NAA16: variants seen among roughly 807,000 people sequenced by gnomAD.
NAA16 encodes the protein NARG1-like protein.
In NAA16, 97 loss-of-function variants were observed where a neutral mutation model predicts 110.3. The ratio of observed to expected loss-of-function variants is 0.88; its 90% CI spans 0.75 to 1.04. NAA16 has a LOEUF of 1.04. NAA16 is among the 50% of genes least tolerant of loss of function. The pLI is 0.00. For missense variants in NAA16, 1,017 were observed against 1,005.1 expected (o/e 1.01, Z -0.16); for synonymous variants, 372 against 330.6 (o/e 1.13, Z -1.36).
At chr13:41,372,150 A>C in intron 15 of NAA16, 53 bp from the exon 16 acceptor site, 1 of 1,362,222 alleles carries the variant, frequency 7.3e-7, no homozygotes, top group Non-Finnish European at 9.9e-7. Context: ...TTTAGGGGAA[A>C]TTTGACTTGT....
At chr13:41,373,266 GT>G (rs564421063) in intron 17 of NAA16, 3,341 of 641,472 alleles carry the variant, frequency 5.2e-3, no homozygotes, top group Non-Finnish European at 5.8e-3. Flanking sequence ...TGTGTTTTTT[GT>G]TTTTTTTTTT....
chr13:41,337,600 A>G (rs371545731), intron 9 of NAA16, among the ~76,000 whole-genome samples: 29 of 152,284 alleles, frequency 1.9e-4, no homozygotes, highest in East Asian at 5.8e-4. Context: ...TAAATTAGAA[A>G]GATAATTAAA....
In NAA16 at chr13:41,347,858, G is replaced by T. The variant is rs2042726739; in HGVS notation, c.1015-7286G>T. 2.6e-5 allele frequency among the ~76,000 whole-genome samples: 4 copies of T among 151,946 alleles called. No homozygotes were observed. The South Asian group carries it at 8.3e-4, about 32-fold the overall frequency. On this transcript the variant is annotated intron_variant, in intron 9 of 19. Coordinates refer to ENST00000379406, the MANE Select transcript of NAA16 (RefSeq NM_024561.5). Reference sequence around the variant, plus strand: ...TTTCATTTTCTTGACTAATTGCCCTGGGTACCTTCAGTACAATATTGACTG... The same window carrying T: ...TTTCATTTTCTTGACTAATTGCCCTTGGTACCTTCAGTACAATATTGACTG...
At position 41,360,053 on chromosome 13, in the gene NAA16, C is replaced by T. The variant is rs541129861; in HGVS notation, c.1410+1091C>T. On this transcript the variant is annotated intron_variant, in intron 12 of 19. Coordinates refer to ENST00000379406, the MANE Select transcript of NAA16 (RefSeq NM_024561.5). ...TTCAAAGTCTTCAATGCCCTTTCCACTATATCACAGGTTTGAAATTAAGAA... is the reference window on the plus strand; with the variant it reads ...TTCAAAGTCTTCAATGCCCTTTCCATTATATCACAGGTTTGAAATTAAGAA... Among the ~76,000 whole-genome samples the T allele has an allele frequency of 6.6e-5, 10 of 152,208 alleles. No individual in the cohort carries two copies. The South Asian group carries it at 2.1e-3, about 32-fold the overall frequency.
intron 13 of NAA16, among the ~76,000 whole-genome samples, chr13:41,366,421 A>G (rs1469261844): frequency 1.3e-5 from 2 of 152,184 alleles, no homozygotes; most frequent in Non-Finnish European, 2.9e-5. Context: ...ATATTGGTGT[A>G]TTGAATCACT....
At chr13:41,354,543 A>G (rs914243729) in intron 9 of NAA16, 5 of 152,260 alleles carry the variant, frequency 3.3e-5, no homozygotes, top group African/African-American at 1.2e-4. Flanking sequence ...AAAACAATGA[A>G]GAAATATTCC....
rs375807130 is a variant in NAA16, at chr13:41,372,296, A to G, written c.2041A>G (p.Ile681Val). 4 of 1,593,760 alleles carry G rather than the reference A, an allele frequency of 2.5e-6. No homozygotes were observed. Among genetic ancestry groups the G allele is most frequent in the Non-Finnish European group, 3.4e-6 (4 of 1,171,510 alleles). Reference sequence around the variant, plus strand: ...TGACACTCATCTGTTAGCATTTGAAATATATTTTAGAAAAGGTAATAAATA... The same window carrying G: ...TGACACTCATCTGTTAGCATTTGAAGTATATTTTAGAAAAGGTAATAAATA... Reference protein sequence around the residue: ...NIDTHLLAFEIYFRKGKFLLM... With the variant: ...NIDTHLLAFEVYFRKGKFLLM... The change falls in exon 16 of 20, where the codon ATA becomes GTA. Residue 681 changes from isoleucine to valine, a missense_variant. By Grantham distance (29) the Ile-to-Val change is conservative. Coordinates refer to ENST00000379406, the MANE Select transcript of NAA16 (RefSeq NM_024561.5).
intron 8 of NAA16, among the ~76,000 whole-genome samples, chr13:41,334,303 C>T (rs917904126): frequency 1.3e-5 from 2 of 152,076 alleles, no homozygotes; most frequent in Non-Finnish European, 2.9e-5. Context: ...ATATTAAGCA[C>T]TCTAAAAATA....
At chr13:41,340,647 GTTTTTTTTTTTTTTTTTTTTTTTTT>G (rs754237653) in intron 9 of NAA16, among the ~76,000 whole-genome samples, 4 of 43,538 alleles carry the variant, frequency 9.2e-5, no homozygotes, top group Non-Finnish European at 1.8e-4. Context: ...TTTTGAGTGA[GTTTTTTTTTTTTTTTTTTTTTTTTT>G]TTTTTTTTTT....
At chr13:41,364,758 A>G (rs1441564341) in intron 13 of NAA16, among the ~76,000 whole-genome samples, 4 of 152,166 alleles carry the variant, frequency 2.6e-5, no homozygotes, top group East Asian at 3.8e-4. Flanking sequence ...TTGTATCTTA[A>G]TCTTTATCAA....
At chr13:41,365,698 A>G (rs563788454) in intron 13 of NAA16, among the ~76,000 whole-genome samples, 79 of 152,344 alleles carry the variant, frequency 5.2e-4, no homozygotes, top group Non-Finnish European at 9.8e-4. Flanking sequence ...CTGGCAAACT[A>G]GGATAAGTTG....
rs571698509 is a variant in NAA16, at chr13:41,348,453, A to T, written c.1015-6691A>T. ...GCTGGGATTACAGGTGTGAGCCACC[A>T]CTCCTGGCTGATGTTAAACCAGTCT... On this transcript the variant is annotated intron_variant, in intron 9 of 19. Coordinates refer to ENST00000379406, the MANE Select transcript of NAA16 (RefSeq NM_024561.5). 6.6e-5 allele frequency among the ~76,000 whole-genome samples: 10 copies of T among 151,770 alleles called. No individual in the cohort carries two copies. The South Asian group carries it at 1.9e-3, about 29-fold the overall frequency.
At chr13:41,373,925 A>G (rs2043375415) in intron 18 of NAA16, 145 bp downstream of exon 18, 2 of 1,276,606 alleles carry the variant, frequency 1.6e-6, no homozygotes, top group South Asian at 3.9e-5. Context: ...GTTATGTTCA[A>G]TAATAGGGGA....
intron 16 of NAA16, 113 bp from the exon 17 acceptor site, chr13:41,372,619 A>G (rs1355193621): frequency 7.5e-7 from 1 of 1,337,304 alleles, no homozygotes; most frequent in Non-Finnish European, 9.6e-7. Context: ...TTTGCTTACG[A>G]GTGTTATAAA....
chr13:41,329,118 C>A (rs2042168716), intron 7 of NAA16, among the ~76,000 whole-genome samples: 2 of 151,830 alleles, frequency 1.3e-5, no homozygotes, highest in Non-Finnish European at 2.9e-5. Flanking sequence ...ACAAAAAAAA[C>A]CATACCAATT....
intron 15 of NAA16, among the ~76,000 whole-genome samples, chr13:41,370,601 T>C (rs2043297011): frequency 6.6e-6 from 1 of 152,208 alleles, no homozygotes; most frequent in African/African-American, 2.4e-5. Flanking sequence ...TTTTTCTGGA[T>C]TGGTTCCATC....
At chr13:41,358,580 T>A in intron 11 of NAA16, 107 bp downstream of exon 11, 1 of 1,498,598 alleles carries the variant, frequency 6.7e-7, no homozygotes, top group Non-Finnish European at 8.9e-7. Flanking sequence ...CTGATAATCT[T>A]TTTCTAATAA....
Position 41,369,111 on chromosome 13 carries a change from TGAA to T in NAA16, c.1779_1781del (p.Lys594del). On this transcript the variant is annotated inframe_deletion, in exon 15 of 20. Transcript: ENST00000379406. ...ATAGAAAACTTGTCAGCCAAAGAAT[TGAA>T]GAAAATGCTTAGCAAGCAGAGAAGA... 1 of 1,563,094 alleles carries T rather than the reference TGAA, an allele frequency of 6.4e-7. No homozygotes were observed. The highest frequency in any genetic ancestry group is 8.6e-7 in the Non-Finnish European group (1 of 1,164,766).
intron 6 of NAA16, among the ~76,000 whole-genome samples, chr13:41,326,172 G>A (rs946842863): frequency 6.6e-6 from 1 of 152,032 alleles, no homozygotes; most frequent in South Asian, 2.1e-4. Flanking sequence ...ATGTATCTCT[G>A]TATATCCATA....
Sources: gnomAD v4.1 joint callset for allele counts (sites outside exome capture counted in the v4.1 genomes callset) on GRCh38, gnomAD v4.1.1 for gene constraint, MANE v1.5 for transcripts, NCBI Gene and HGNC (gene_info 2026-07-23, HGNC 2026-07-21) for gene names.